TRIM6: variants seen among roughly 807,000 people sequenced by gnomAD.
The protein encoded by TRIM6 is tripartite motif containing 6.
TRIM6 carries 43 observed loss-of-function variants against 51.2 expected under a neutral mutation model. The ratio of observed to expected loss-of-function variants is 0.84; its 90% CI spans 0.66 to 1.08. TRIM6 has a LOEUF of 1.08. Ranked by LOEUF, TRIM6 falls within the 50% of genes least tolerant of loss-of-function variation. The probability of loss-of-function intolerance (pLI) is 0.00; values close to 1 mark genes in which losing one functional copy is unlikely to be tolerated. For missense variants in TRIM6, 669 were observed against 619.0 expected, an observed-to-expected ratio of 1.08 and a Z score of -0.86; for synonymous variants, 215 against 232.4, an observed-to-expected ratio of 0.93 and a Z score of 0.68.
chr11:5,608,847 A>ATTTTTTTT (rs370630648), intron 5 of TRIM6, among the ~76,000 whole-genome samples: 7,918 of 101,498 alleles, frequency 0.078, 767 homozygotes, highest in South Asian at 0.13. Flanking sequence ...TTGCCCATAA[A>ATTTTTTTT]TTTTTTTTTT....
chr11:5,596,665 A>AAACTCCTGACCTGTGGGTCCG lies in TRIM6; in HGVS notation c.-232_-212dup. The stretch of plus-strand genomic sequence containing the variant: ...AGGAGTTGGGAGATGAGCCTTCCGC[A>AAACTCCTGACCTGTGGGTCCG]AACTCCTGACCTGTGGGTCCGTCCG... On this transcript the variant is annotated 5_prime_UTR_variant, in exon 1 of 8. Transcript: ENST00000380097. 1.8e-6 allele frequency: 1 copy of AAACTCCTGACCTGTGGGTCCG among 556,718 alleles called. No homozygotes were observed. The highest frequency in any genetic ancestry group is 3.1e-6 in the Non-Finnish European group (1 of 327,850). 34.5% of individuals were successfully genotyped at this position (556,718 alleles called of 1,614,324 possible). A position where few individuals can be genotyped will look rare whatever the true frequency, so the allele number is the denominator to read the frequency against.
Position 5,596,728 on chromosome 11 carries a change from C to T in TRIM6, c.-170C>T, listed in dbSNP as rs188198831. On this transcript the variant is annotated 5_prime_UTR_variant, in exon 1 of 8. Coordinates refer to ENST00000380097, the MANE Select transcript of TRIM6 (RefSeq NM_001003818.3). ...AGGCTGGCGGAGGAGGGATCCCCTG[C>T]CTTTCTCGGAACGGAACGGAGCAGA... 452 of 1,015,888 alleles carry T rather than the reference C, an allele frequency of 4.4e-4. 1 individual carries two copies. In the East Asian group the frequency reaches 9.4e-3, roughly 21 times the overall value. 62.9% of individuals were successfully genotyped at this position (1,015,888 alleles called of 1,614,324 possible).
chr11:5,603,500 A>G lies in TRIM6; in HGVS notation c.272A>G (p.Tyr91Cys), dbSNP rs1409019492. 3 of 1,614,150 alleles carry G rather than the reference A, an allele frequency of 1.9e-6. No homozygotes were observed. The highest frequency in any genetic ancestry group is 1.7e-6 in the Non-Finnish European group (2 of 1,180,022). ...ERSCPVCQTS[Y>C]QPGNLRPNRH... ...AGCTGCCCTGTGTGCCAGACCAGCT[A>G]CCAGCCAGGGAACCTGCGGCCTAAT... Residue 91 changes from tyrosine (Y) to cysteine (C), a missense_variant, in exon 2 of 8, where the codon TAC (tyrosine) becomes TGC (cysteine). Coordinates refer to ENST00000380097, the MANE Select transcript of TRIM6 (RefSeq NM_001003818.3).
rs1847996529 is a variant in TRIM6 at position 5,603,501 on chromosome 11, C to A, written c.273C>A (p.Tyr91Ter). 2.5e-6 allele frequency: 4 copies of A among 1,613,968 alleles called. No individual in the cohort carries two copies. Among genetic ancestry groups the A allele is most frequent in the Non-Finnish European group, 3.4e-6 (4 of 1,180,036 alleles). ...ERSCPVCQTS[Y>*]QPGNLRPNRH... is the part of the protein sequence containing the mutation. The stretch of plus-strand genomic sequence containing the variant: ...GCTGCCCTGTGTGCCAGACCAGCTA[C>A]CAGCCAGGGAACCTGCGGCCTAATC... The change falls in exon 2 of 8, where the codon TAC becomes TAA. Residue 91 changes from tyrosine to a stop codon, truncating the protein, a stop_gained. Transcript: ENST00000380097. LOFTEE classifies it high-confidence loss of function.
rs1848143407 is a variant in TRIM6 at position 5,605,342 on chromosome 11, G to C, written c.609G>C (p.Gln203His). Residue 203 changes from glutamine (Q) to histidine (H), a missense_variant, in exon 4 of 8, where the codon CAG (glutamine) becomes CAC (histidine). Physicochemically the swap from Gln to His is conservative, Grantham distance 24. Coordinates refer to ENST00000380097, the MANE Select transcript of TRIM6 (RefSeq NM_001003818.3). ...TTTCTTCCCTGTTCCTGAAGAATCA[G>C]ATGGAGCCTGAGAGATGCAGGATCC... ...IREKKTSWKN[Q>H]MEPERCRIQT... The C allele has an allele frequency of 2.5e-6, 4 of 1,614,096 alleles. No homozygotes were observed. Among genetic ancestry groups the C allele is most frequent in the East Asian group, 4.5e-5 (2 of 44,890 alleles).
intron 1 of TRIM6, among the ~76,000 whole-genome samples, chr11:5,601,097 C>G (rs1365825567): frequency 6.6e-6 from 1 of 152,162 alleles, no homozygotes; most frequent in South Asian, 2.1e-4. Flanking sequence ...CATATGGACC[C>G]CCTTAGGATC....
rs1848155864 is a variant in TRIM6 at position 5,605,551 on chromosome 11, C to T, written c.818C>T (p.Thr273Ile). ...SDLERRCQGS[T>I]MELLQDVSDV... ...CTGGAGCGTCGATGTCAGGGGTCAACAATGGAGCTGCTGCAGGTAAGGCTT... is the reference window on the plus strand; with the variant it reads ...CTGGAGCGTCGATGTCAGGGGTCAATAATGGAGCTGCTGCAGGTAAGGCTT... The change falls in exon 4 of 8, where the codon ACA becomes ATA. Residue 273 changes from threonine to isoleucine, a missense_variant. Transcript: ENST00000380097. 12 of 1,613,180 alleles carry T rather than the reference C, an allele frequency of 7.4e-6. No homozygotes were observed. The highest frequency in any genetic ancestry group is 9.3e-6 in the Non-Finnish European group (11 of 1,179,676).
chr11:5,597,641 G>C (rs1282973466), intron 1 of TRIM6, among the ~76,000 whole-genome samples: 2 of 152,120 alleles, frequency 1.3e-5, no homozygotes, highest in African/African-American at 4.8e-5. Context: ...CTCCCAGCTG[G>C]TGGACGGGCC....
rs886255964 is a variant in TRIM6, at chr11:5,612,586, C to T, written c.*1244C>T. On this transcript the variant is annotated 3_prime_UTR_variant, in exon 8 of 8. Transcript: ENST00000380097. ...GATGATTTCTTCCAGCTTTTCCACA[C>T]TCTCTTTATGCGCAGGAACAAACAG... is the stretch of plus-strand genomic sequence containing the variant. 2.0e-5 allele frequency: 3 copies of T among 152,196 alleles called. No individual in the cohort carries two copies. The highest frequency in any genetic ancestry group is 4.4e-5 in the Non-Finnish European group (3 of 68,036). The allele number at this position is 152,196 out of a possible 1,614,324, so 9.4% of individuals were successfully genotyped here.
intron 7 of TRIM6, 35 bp from the exon 8 acceptor site, chr11:5,610,742 G>A (rs3824950): frequency 0.059 from 94,558 of 1,605,002 alleles, 3,615 homozygotes; most frequent in East Asian, 0.12. Flanking sequence ...CCATGTCCCC[G>A]TTCTCATCTG....
chr11:5,602,038 C>G (rs1022044530), intron 1 of TRIM6, among the ~76,000 whole-genome samples: 5 of 152,132 alleles, frequency 3.3e-5, no homozygotes, highest in Non-Finnish European at 1.5e-5. Context: ...ATGTCAGGCT[C>G]TATGCTAGCT....
Position 5,610,868 on chromosome 11 carries a change from T to C in TRIM6, c.1077T>C (p.Ser359=), listed in dbSNP as rs1294769385. The C allele has an allele frequency of 1.2e-6, 2 of 1,614,220 alleles. No individual in the cohort carries two copies. The change falls in exon 8 of 8, where the codon TCT becomes TCC. Residue 359 remains serine, a synonymous_variant. Transcript: ENST00000380097. ...TGAGGTTTGTGGGAGCTAAAGTATC[T>C]GGACCTTCCTGTCTGGAAAAGCATT... ...RQVRFVGAKV[S]GPSCLEKHYD...
Position 5,605,532 on chromosome 11 carries a change from C to T in TRIM6, c.799C>T (p.Arg267Cys), listed in dbSNP as rs930831268. Residue 267 changes from arginine (R) to cysteine (C), a missense_variant, in exon 4 of 8, where the codon CGT becomes TGT. Coordinates refer to ENST00000380097, the MANE Select transcript of TRIM6 (RefSeq NM_001003818.3). ...SLRELISDLE[R>C]RCQGSTMELL... Reference sequence around the variant, plus strand: ...GCGAGAGCTCATCTCGGATCTGGAGCGTCGATGTCAGGGGTCAACAATGGA... The same window carrying T: ...GCGAGAGCTCATCTCGGATCTGGAGTGTCGATGTCAGGGGTCAACAATGGA... The T allele has an allele frequency of 1.3e-5, 21 of 1,613,906 alleles. No individual in the cohort carries two copies. The highest frequency in any genetic ancestry group is 1.5e-5 in the Non-Finnish European group (18 of 1,180,012).
Position 5,596,697 on chromosome 11 carries a change from G to T in TRIM6, c.-201G>T. 1 of 766,098 alleles carries T rather than the reference G, an allele frequency of 1.3e-6. No homozygotes were observed. The highest frequency in any genetic ancestry group is 2.8e-5 in the East Asian group (1 of 35,606). 47.5% of individuals were successfully genotyped at this position (766,098 alleles called of 1,614,324 possible). Reference sequence around the variant, plus strand: ...TGACCTGTGGGTCCGTCCGTTCAACGGCCAAAGGCTGGCGGAGGAGGGATC... The same window carrying T: ...TGACCTGTGGGTCCGTCCGTTCAACTGCCAAAGGCTGGCGGAGGAGGGATC... On this transcript the variant is annotated 5_prime_UTR_variant, in exon 1 of 8. Coordinates refer to ENST00000380097, the MANE Select transcript of TRIM6 (RefSeq NM_001003818.3).
intron 7 of TRIM6, 106 bp downstream of exon 7, chr11:5,610,667 C>T: frequency 6.4e-7 from 1 of 1,565,714 alleles, no homozygotes; most frequent in Admixed American, 1.8e-5. Context: ...CCTCCCCCAT[C>T]CCCGCCATAT....
chr11:5,607,156 A>G (rs924572729), intron 4 of TRIM6, among the ~76,000 whole-genome samples: 1 of 152,150 alleles, frequency 6.6e-6, no homozygotes, highest in Non-Finnish European at 1.5e-5. Context: ...GTGAGCCGAG[A>G]TCGCACCACT....
intron 2 of TRIM6, among the ~76,000 whole-genome samples, chr11:5,604,180 G>C (rs1564865571): frequency 6.6e-6 from 1 of 151,588 alleles, no homozygotes; most frequent in Non-Finnish European, 1.5e-5. Context: ...GTGTGTGCGT[G>C]TGTGTGTGTG....
In TRIM6 at chr11:5,603,554, T is replaced by G. The variant is rs1413694576; in HGVS notation, c.326T>G (p.Leu109Arg). The change falls in exon 2 of 8, where the codon CTC becomes CGC. Residue 109 changes from leucine (L) to arginine (R), a missense_variant. Transcript: ENST00000380097. ...NRHLANIVRRLREVVLGPGKQ... is the reference protein window; with the variant it reads ...NRHLANIVRRRREVVLGPGKQ... ...CATCTGGCCAACATAGTGAGGCGGC[T>G]CAGAGAGGTAGTGTTGGGCCCTGGG... 1 of 1,613,906 alleles carries G rather than the reference T, an allele frequency of 6.2e-7. No homozygotes were observed. Among genetic ancestry groups the G allele is most frequent in the Non-Finnish European group, 8.5e-7 (1 of 1,180,014 alleles).
At chr11:5,604,483 C>T (rs10769118) in intron 2 of TRIM6, 51 bp from the exon 3 acceptor site, 1 of 1,574,354 alleles carries the variant, frequency 6.4e-7, no homozygotes, top group Admixed American at 1.8e-5. Context: ...TGTCTGGGTA[C>T]TGAGTCAACT....
Sources: allele counts gnomAD v4.1 joint callset (sites outside exome capture counted in the v4.1 genomes callset), GRCh38; gene constraint gnomAD v4.1.1; transcripts MANE v1.5; gene names NCBI Gene and HGNC (gene_info 2026-07-23, HGNC 2026-07-21).